PRMT1: variants seen among roughly 807,000 people sequenced by gnomAD.
The protein encoded by PRMT1 is protein arginine methyltransferase 1.
PRMT1 carries 5 observed loss-of-function variants against 47.4 expected under a neutral mutation model. The observed-to-expected ratio is 0.11, with a 90% CI of 0.06 to 0.22. The LOEUF is 0.22. PRMT1 is among the 10% of genes least tolerant of loss of function. The pLI, the probability that PRMT1 is intolerant of heterozygous loss-of-function variation, is 1.00. For missense variants in PRMT1, 249 were observed against 518.4 expected (o/e 0.48, Z 5.05); for synonymous variants, 227 against 204.6 (o/e 1.11, Z -0.94).
At chr19:49,682,403 T>C in intron 5 of PRMT1, 144 bp downstream of exon 5, 3 of 813,596 alleles carry the variant, frequency 3.7e-6, no homozygotes, top group Non-Finnish European at 5.9e-6. Context: ...GCCGGCCGCC[T>C]GAGAATCTGA....
At chr19:49,687,514 G>A (rs1337316391) in intron 10 of PRMT1, among the ~76,000 whole-genome samples, 18 of 132,584 alleles carry the variant, frequency 1.4e-4, no homozygotes, top group African/African-American at 4.5e-4. Context: ...TCCGCTCCCC[G>A]CCCCCCCCCA....
chr19:49,677,614 T>G, intron 1 of PRMT1: 1 of 305,636 alleles, frequency 3.3e-6, no homozygotes, highest in Non-Finnish European at 6.0e-6. Context: ...GGGGAGGGGG[T>G]GTGCCGAGTC....
Position 49,686,528 on chromosome 19 carries a change from AT to A in PRMT1, c.911-75del. ...CCCATCAGCTGTCATGGGGGTGGGC[AT>A]TCCGACAGAGGGAACGCAAGGGTGG... On this transcript the variant is annotated intron_variant, in intron 9 of 10. Coordinates refer to ENST00000454376, the MANE Select transcript of PRMT1 (RefSeq NM_001536.6). 5.2e-6 allele frequency: 6 copies of A among 1,160,300 alleles called. 1 individual carries two copies. Among genetic ancestry groups the A allele is most frequent in the Non-Finnish European group, 6.9e-6 (6 of 868,282 alleles). 71.9% of individuals were successfully genotyped at this position (1,160,300 alleles called of 1,614,324 possible).
chr19:49,681,325 A>G lies in PRMT1; in HGVS notation c.193-585A>G, dbSNP rs2082115579. ...TGGCCTCCTGAGGTGCTGGGATTAC[A>G]GGCGTGAGCCACCGCTCCCAGCCTG... On this transcript the variant is annotated intron_variant, in intron 3 of 10. Transcript: ENST00000454376. The surrounding 1 kb of genome is among the most constrained non-coding windows in gnomAD (Gnocchi z 4.4). Among the ~76,000 whole-genome samples the G allele has an allele frequency of 6.6e-6, 1 of 152,210 alleles. No homozygotes were observed. The highest frequency in any genetic ancestry group is 2.4e-5 in the African/African-American group (1 of 41,468).
At position 49,679,919 on chromosome 19, in the gene PRMT1, TGAA is replaced by T. The variant is rs775879283; in HGVS notation, c.89_90+1del. The T allele has an allele frequency of 3.1e-6, 5 of 1,612,136 alleles. No homozygotes were observed. The highest frequency in any genetic ancestry group is 2.2e-5 in the East Asian group (1 of 44,878). On this transcript the variant is annotated inframe_deletion, in exon 2 of 11. Coordinates refer to ENST00000454376, the MANE Select transcript of PRMT1 (RefSeq NM_001536.6). ...ATGGGATGAGCCTCCAGCCGCCTCT[TGAA>T]GAAGTAAATATCCTTTTGTGAGACC...
Position 49,684,615 on chromosome 19 carries a change from A to G in PRMT1, c.556-139A>G, listed in dbSNP as rs2082176942. The G allele has an allele frequency of 2.1e-5, 21 of 1,019,796 alleles. No individual in the cohort carries two copies. In the South Asian group the frequency reaches 2.4e-4, roughly 11 times the overall value. The allele number at this position is 1,019,796 out of a possible 1,614,324, so 63.2% of individuals were successfully genotyped here. A position where few individuals can be genotyped will look rare whatever the true frequency, so the allele number is the denominator to read the frequency against. On this transcript the variant is annotated intron_variant, in intron 6 of 10. Coordinates refer to ENST00000454376, the MANE Select transcript of PRMT1 (RefSeq NM_001536.6). This position sits in a 1 kb window ranked among gnomAD's most constrained non-coding sequence, Gnocchi z 6.2. ...GTGCCCTCTGGCGGCCGTGTGGGAAATAGACCAGGGGGCGAGGGGTGAGTG... is the reference window on the plus strand; with the variant it reads ...GTGCCCTCTGGCGGCCGTGTGGGAAGTAGACCAGGGGGCGAGGGGTGAGTG...
Position 49,684,911 on chromosome 19 carries a change from T to C in PRMT1, c.644-11T>C, listed in dbSNP as rs1468640846. On this transcript the variant is annotated splice_polypyrimidine_tract_variant and intron_variant, in intron 7 of 10. Coordinates refer to ENST00000454376, the MANE Select transcript of PRMT1 (RefSeq NM_001536.6). This position sits in a 1 kb window ranked among gnomAD's most constrained non-coding sequence, Gnocchi z 6.2. ...GCTGCGGGCTCACCCCCTCCCTGCC[T>C]GCCTCCCCAGGGTGGGAGAACGTGT... is the stretch of plus-strand genomic sequence containing the variant. 6.2e-7 allele frequency: 1 copy of C among 1,603,724 alleles called. No individual in the cohort carries two copies. The highest frequency in any genetic ancestry group is 1.3e-5 in the African/African-American group (1 of 74,628).
intron 1 of PRMT1, among the ~76,000 whole-genome samples, chr19:49,679,364 T>A (rs1383023121): frequency 6.6e-6 from 1 of 152,158 alleles, no homozygotes; most frequent in Admixed American, 6.5e-5. Context: ...GAAGTACCCG[T>A]GTGCCACACC....
chr19:49,683,198 C>A (rs917696261), intron 5 of PRMT1, among the ~76,000 whole-genome samples: 1 of 151,498 alleles, frequency 6.6e-6, no homozygotes, highest in African/African-American at 2.4e-5. Context: ...AGATTACAGG[C>A]GTGAGCCACC....
At chr19:49,679,954 C>A in intron 2 of PRMT1, 29 bp downstream of exon 2, 2 of 1,585,772 alleles carry the variant, frequency 1.3e-6, no homozygotes, top group African/African-American at 1.3e-5. Context: ...GACCCCTCCC[C>A]ACCCTGACCT....
chr19:49,677,232 G>A (rs2082047164), upstream of PRMT1: 12 of 1,406,838 alleles, frequency 8.5e-6, no homozygotes, highest in Non-Finnish European at 1.1e-5. Flanking sequence ...GGGGAGTGAG[G>A]AGAAAGGGGG....
Position 49,680,619 on chromosome 19 carries a change from CT to C in PRMT1, c.192+33del. On this transcript the variant is annotated intron_variant, in intron 3 of 10. Transcript: ENST00000454376. The surrounding 1 kb of genome is among the most constrained non-coding windows in gnomAD (Gnocchi z 4.2). ...TGGGGACAGTCCCCAAGGCCCCAATCTTAGGGGGGCTTAAATGTTGGGGAAG... is the reference window on the plus strand; with the variant it reads ...TGGGGACAGTCCCCAAGGCCCCAATCTAGGGGGGCTTAAATGTTGGGGAAG... The C allele has an allele frequency of 2.7e-6, 4 of 1,499,528 alleles. No homozygotes were observed. The highest frequency in any genetic ancestry group is 2.8e-6 in the Non-Finnish European group (3 of 1,076,402). 92.9% of individuals were successfully genotyped at this position (1,499,528 alleles called of 1,614,324 possible).
rs539807277 is a variant in PRMT1 at position 49,682,044 on chromosome 19, C to T, written c.327C>T (p.Ala109=). Residue 109 remains alanine (A), a synonymous_variant, in exon 4 of 11, where the codon GCC becomes GCT. Coordinates refer to ENST00000454376, the MANE Select transcript of PRMT1 (RefSeq NM_001536.6). ...TGILCMFAAK[A]GARKVIGIEC... ...TCCTCTGCATGTTTGCTGCCAAGGC[C>T]GGGGCCCGCAAGGTCATCGGGGTGA... 1.9e-5 allele frequency: 30 copies of T among 1,614,136 alleles called. No homozygotes were observed. Among genetic ancestry groups the T allele is most frequent in the African/African-American group, 1.1e-4 (8 of 75,054 alleles).
At chr19:49,676,678 C>T (rs1174764495), upstream of PRMT1, among the ~76,000 whole-genome samples, 2 of 152,178 alleles carry the variant, frequency 1.3e-5, no homozygotes, top group Admixed American at 1.3e-4. Context: ...CTCCAGACTC[C>T]CCCCGGGTTG....
chr19:49,686,320 A>G, intron 9 of PRMT1, 77 bp downstream of exon 9: 1 of 1,483,076 alleles, frequency 6.7e-7, no homozygotes, highest in South Asian at 1.3e-5. Flanking sequence ...AGGGGGTGAC[A>G]GAAACGGGCA....
At chr19:49,678,853 T>TG (rs1453630549) in intron 1 of PRMT1, among the ~76,000 whole-genome samples, 2 of 149,732 alleles carry the variant, frequency 1.3e-5, no homozygotes, top group Non-Finnish European at 3.0e-5. Context: ...GGTGTCTGAA[T>TG]GGGGGCGATG....
At chr19:49,677,342 G>A in intron 1 of PRMT1, 26 bp downstream of exon 1, 4 of 1,382,590 alleles carry the variant, frequency 2.9e-6, no homozygotes, top group East Asian at 2.8e-5. Context: ...GCCGCCGTGG[G>A]CGGGAGGCGG....
rs747998432 is a variant in PRMT1, at chr19:49,684,854, C to T, written c.643+13C>T. The T allele has an allele frequency of 1.6e-5, 26 of 1,611,684 alleles. No homozygotes were observed. The highest frequency in any genetic ancestry group is 1.3e-4 in the East Asian group (6 of 44,824). ...TACAAGATCCACTGTGAGCGCGGCCCGGGAGCTGGCGGGCGGGGCCTCGGG... is the reference window on the plus strand; with the variant it reads ...TACAAGATCCACTGTGAGCGCGGCCTGGGAGCTGGCGGGCGGGGCCTCGGG... On this transcript the variant is annotated intron_variant, in intron 7 of 10. Transcript: ENST00000454376. This position sits in a 1 kb window ranked among gnomAD's most constrained non-coding sequence, Gnocchi z 6.2.
chr19:49,679,925 A>T lies in PRMT1; in HGVS notation c.90A>T (p.Glu30Asp). ...NGMSLQPPLEEVSCGQAESSE... is the reference protein window; with the variant it reads ...NGMSLQPPLEDVSCGQAESSE... Reference sequence around the variant, plus strand: ...TGAGCCTCCAGCCGCCTCTTGAAGAAGTAAATATCCTTTTGTGAGACCCCT... The same window carrying T: ...TGAGCCTCCAGCCGCCTCTTGAAGATGTAAATATCCTTTTGTGAGACCCCT... Residue 30 changes from glutamate to aspartate, a missense_variant and splice_region_variant, in exon 2 of 11, where the codon GAA becomes GAT. Around this residue, in one of 2 missense-constraint regions of PRMT1, gnomAD observed 59 missense variants for 61.7 expected, o/e 0.96. Coordinates refer to ENST00000454376, the MANE Select transcript of PRMT1 (RefSeq NM_001536.6). The T allele has an allele frequency of 4.3e-6, 7 of 1,611,604 alleles. No individual in the cohort carries two copies. Among genetic ancestry groups the T allele is most frequent in the Non-Finnish European group, 5.9e-6 (7 of 1,178,350 alleles).
Sources: gnomAD v4.1 joint callset for allele counts (sites outside exome capture counted in the v4.1 genomes callset) on GRCh38, gnomAD v4.1.1 for gene constraint, gnomAD v4.1.1 regional missense constraint, Gnocchi (gnomAD v3.1) non-coding constraint, MANE v1.5 for transcripts, NCBI Gene and HGNC (gene_info 2026-07-23, HGNC 2026-07-21) for gene names.